DNAI3: variants seen among roughly 807,000 people sequenced by gnomAD.
The protein encoded by DNAI3 is dynein axonemal intermediate chain 3, also known as WD repeat domain 63.
Under a neutral mutation model 115.5 loss-of-function variants are expected in DNAI3, and 83 were observed. That is an observed-to-expected ratio of 0.72 (90% CI 0.60 to 0.86). The LOEUF (loss-of-function observed/expected upper bound fraction) is 0.86. DNAI3 is among the 40% of genes least tolerant of loss of function. The pLI, the probability that DNAI3 is intolerant of heterozygous loss-of-function variation, is 0.00. For missense variants in DNAI3, 1,004 were observed against 1,075.8 expected, an observed-to-expected ratio of 0.93 and a Z score of 0.93; for synonymous variants, 320 against 347.0, an observed-to-expected ratio of 0.92 and a Z score of 0.86.
chr1:85,074,031 T>C (rs1299896590), intron 3 of DNAI3, among the ~76,000 whole-genome samples: 1 of 152,164 alleles, frequency 6.6e-6, no homozygotes, highest in African/African-American at 2.4e-5. Context: ...TTTATTGAGT[T>C]AGTGAAACCT....
chr1:85,095,123 C>T (rs1444581631), intron 10 of DNAI3, among the ~76,000 whole-genome samples: 2 of 152,126 alleles, frequency 1.3e-5, no homozygotes, highest in African/African-American at 4.8e-5. Flanking sequence ...TCAAACCAAC[C>T]AAAACACATA....
rs1654336155 is a variant in DNAI3, at chr1:85,073,057, G to A, written c.68G>A (p.Ser23Asn). The A allele has an allele frequency of 1.3e-6, 2 of 1,542,402 alleles. No individual in the cohort carries two copies. The highest frequency in any genetic ancestry group is 1.9e-5 in the Admixed American group (1 of 54,034). ...ACTTCCTTTTATTATATTCTAGCTA[G>A]TGAAGACATGGAACCAGTAAATATG... ...KKRLKPVLAASEDMEPVNMES... is the reference protein window; with the variant it reads ...KKRLKPVLAANEDMEPVNMES... The change falls in exon 3 of 23, where the codon AGT (serine) becomes AAT (asparagine). Residue 23 changes from serine to asparagine, a missense_variant. Ser to Asn is a conservative substitution (Grantham distance 46). Coordinates refer to ENST00000294664, the MANE Select transcript of DNAI3 (RefSeq NM_145172.5).
chr1:85,122,442 C>A (rs1196659491), intron 18 of DNAI3, among the ~76,000 whole-genome samples: 1 of 152,198 alleles, frequency 6.6e-6, no homozygotes, highest in African/African-American at 2.4e-5. Flanking sequence ...GCAAAGCTCC[C>A]TATCTCTAGC....
intron 7 of DNAI3, among the ~76,000 whole-genome samples, chr1:85,087,240 A>T (rs1247571971): frequency 6.6e-6 from 1 of 151,914 alleles, no homozygotes; most frequent in Non-Finnish European, 1.5e-5. Context: ...GATCGAGACC[A>T]TCCTGGCCAA....
intron 11 of DNAI3, 47 bp downstream of exon 11, chr1:85,096,067 T>C (rs1228019001): frequency 6.4e-7 from 1 of 1,566,656 alleles, no homozygotes; most frequent in Non-Finnish European, 8.8e-7. Flanking sequence ...TAGACAACCT[T>C]TGGTAATAAG....
chr1:85,094,158 A>G, intron 9 of DNAI3: 1 of 468,050 alleles, frequency 2.1e-6, no homozygotes, highest in East Asian at 4.0e-5. Context: ...AAAAAGAAAC[A>G]AAACAAGATT....
chr1:85,130,938 G>A (rs79483672), intron 22 of DNAI3, among the ~76,000 whole-genome samples: 554 of 152,246 alleles, frequency 3.6e-3, no homozygotes, highest in African/African-American at 0.013. Flanking sequence ...TTGCCCACTG[G>A]AATTTTGGGC....
intron 17 of DNAI3, among the ~76,000 whole-genome samples, chr1:85,119,173 T>C (rs1403915071): frequency 6.6e-6 from 1 of 152,230 alleles, no homozygotes; most frequent in Non-Finnish European, 1.5e-5. Context: ...CTTAGCCATT[T>C]TTAAATGTAC....
intron 2 of DNAI3, among the ~76,000 whole-genome samples, 159 bp from the exon 3 acceptor site, chr1:85,072,895 C>T (rs1239019379): frequency 7.4e-6 from 1 of 135,234 alleles, no homozygotes; most frequent in Non-Finnish European, 1.5e-5. Context: ...GTGGTGCTTG[C>T]AGTGAGCTGA....
chr1:85,082,554 C>A (rs760383114), intron 5 of DNAI3, 150 bp downstream of exon 5: 1 of 635,416 alleles, frequency 1.6e-6, no homozygotes, highest in Non-Finnish European at 2.7e-6. Flanking sequence ...AAGTGATCCT[C>A]CCACCTCAGC....
In DNAI3 at chr1:85,092,991, C is replaced by T. The variant is rs188884668; in HGVS notation, c.858-467C>T. 7.5e-4 allele frequency among the ~76,000 whole-genome samples: 114 copies of T among 152,266 alleles called. 2 individuals carry two copies. The highest frequency in any genetic ancestry group is 2.6e-3 in the African/African-American group (107 of 41,552). ...GTGACAGTTGGGGCTTTCCAGGAAG[C>T]AAATGACATCAAGTTAGAGGCAGAC... On this transcript the variant is annotated intron_variant, in intron 8 of 22. Coordinates refer to ENST00000294664, the MANE Select transcript of DNAI3 (RefSeq NM_145172.5).
intron 1 of DNAI3, among the ~76,000 whole-genome samples, 172 bp from the exon 2 acceptor site, chr1:85,071,756 A>G (rs1366747861): frequency 1.3e-5 from 2 of 152,214 alleles, no homozygotes; most frequent in African/African-American, 4.8e-5. Context: ...TTGTTGTTGC[A>G]ATAAGCCTTT....
chr1:85,090,980 G>A (rs1032026865), intron 8 of DNAI3, among the ~76,000 whole-genome samples: 17 of 152,252 alleles, frequency 1.1e-4, no homozygotes, highest in Middle Eastern at 3.4e-3. Context: ...AAGAAATGTC[G>A]TTGGTTCTTT....
chr1:85,062,789 C>T (rs1653974656), intron 1 of DNAI3, among the ~76,000 whole-genome samples: 1 of 129,490 alleles, frequency 7.7e-6, no homozygotes, highest in Admixed American at 8.2e-5. Flanking sequence ...CTCAATAAAC[C>T]ATGAATGAGT....
intron 17 of DNAI3, among the ~76,000 whole-genome samples, chr1:85,118,800 G>A (rs184015299): frequency 6.6e-6 from 1 of 152,212 alleles, no homozygotes; most frequent in East Asian, 1.9e-4. Context: ...GGAAGAAGGA[G>A]GTTGGGGAAG....
chr1:85,098,375 A>C (rs1655189334), intron 12 of DNAI3, among the ~76,000 whole-genome samples, 155 bp from the exon 13 acceptor site: 1 of 152,252 alleles, frequency 6.6e-6, no homozygotes, highest in African/African-American at 2.4e-5. Context: ...TAATCCTATT[A>C]CCTAAATATA....
intron 1 of DNAI3, among the ~76,000 whole-genome samples, chr1:85,068,449 A>G (rs1654163398): frequency 6.6e-6 from 1 of 152,154 alleles, no homozygotes; most frequent in Non-Finnish European, 1.5e-5. Context: ...CTTTTCCCAT[A>G]TCACTTTCAC....
chr1:85,063,437 G>A (rs968912855), intron 1 of DNAI3, among the ~76,000 whole-genome samples: 1 of 152,162 alleles, frequency 6.6e-6, no homozygotes, highest in African/African-American at 2.4e-5. Context: ...GAACTGGAAA[G>A]GTTGACGCAG....
intron 11 of DNAI3, among the ~76,000 whole-genome samples, chr1:85,096,643 T>C (rs1655135049): frequency 6.6e-6 from 1 of 152,144 alleles, no homozygotes; most frequent in Admixed American, 6.5e-5. Context: ...AAAACAATCA[T>C]AAAGCTGTTT....
Sources: gnomAD v4.1 joint callset for allele counts (sites outside exome capture counted in the v4.1 genomes callset) on GRCh38, gnomAD v4.1.1 for gene constraint, MANE v1.5 for transcripts, NCBI Gene and HGNC (gene_info 2026-07-23, HGNC 2026-07-21) for gene names.